Variants in ST8SIA6 observed in about 807,000 individuals in gnomAD.
The protein encoded by ST8SIA6 is alpha-2,8-sialyltransferase 8F.
In ST8SIA6, 39 loss-of-function variants were observed where a neutral mutation model predicts 33.6. The ratio of observed to expected loss-of-function variants is 1.16; its 90% CI spans 0.90 to 1.52. ST8SIA6 has a LOEUF of 1.52. ST8SIA6 is among the 40% of genes most tolerant of loss of function. The pLI is 0.00. For missense variants in ST8SIA6, 441 were observed against 443.8 expected (o/e 0.99, Z 0.06); for synonymous variants, 172 against 167.2 (o/e 1.03, Z -0.22).
At chr10:17,334,968 T>G (rs1207631180) in intron 4 of ST8SIA6, among the ~76,000 whole-genome samples, 2 of 152,230 alleles carry the variant, frequency 1.3e-5, no homozygotes, top group African/African-American at 4.8e-5. Flanking sequence ...GTCAAAGAGA[T>G]TTCTGCATTT....
chr10:17,355,062 CA>C (rs1460672993), intron 4 of ST8SIA6, among the ~76,000 whole-genome samples: 1 of 152,176 alleles, frequency 6.6e-6, no homozygotes, highest in African/African-American at 2.4e-5. Context: ...CGTAGCACAA[CA>C]AGAAAGTTAA....
chr10:17,370,990 C>G (rs10795483), intron 3 of ST8SIA6, among the ~76,000 whole-genome samples: 2 of 152,046 alleles, frequency 1.3e-5, no homozygotes, highest in Non-Finnish European at 2.9e-5. Context: ...CATAATCCAG[C>G]AGCAGGATGA....
At chr10:17,333,704 T>TATATATAG (rs1564405023) in intron 4 of ST8SIA6, among the ~76,000 whole-genome samples, 1 of 30,084 alleles carries the variant, frequency 3.3e-5, no homozygotes, top group African/African-American at 1.5e-4. Context: ...TATATATATA[T>TATATATAG]ATATATATAT....
Position 17,331,391 on chromosome 10 carries a change from C to T in ST8SIA6, c.522+17G>A, listed in dbSNP as rs1273298111. ...TGGAATGGTAACACAAATAACCCACCAGAAACCTTTACTCACCACTGGAAA... is the reference window on the plus strand; with the variant it reads ...TGGAATGGTAACACAAATAACCCACTAGAAACCTTTACTCACCACTGGAAA... On this transcript the variant is annotated intron_variant, in intron 5 of 7. Coordinates refer to ENST00000377602, the MANE Select transcript of ST8SIA6 (RefSeq NM_001004470.3). 2.5e-6 allele frequency: 4 copies of T among 1,597,578 alleles called. No individual in the cohort carries two copies. Among genetic ancestry groups the T allele is most frequent in the African/African-American group, 1.3e-5 (1 of 74,144 alleles).
intron 4 of ST8SIA6, among the ~76,000 whole-genome samples, chr10:17,346,137 C>A (rs1016553029): frequency 1.3e-5 from 2 of 152,204 alleles, no homozygotes; most frequent in Non-Finnish European, 2.9e-5. Context: ...CTGCAAGAAG[C>A]TCAAGTCACA....
Position 17,315,828 on chromosome 10 carries a change from G to GGA in ST8SIA6, c.*5048_*5049dup. 6.6e-6 allele frequency among the ~76,000 whole-genome samples: 1 copy of GGA among 151,990 alleles called. No homozygotes were observed. The highest frequency in any genetic ancestry group is 2.1e-4 in the South Asian group (1 of 4,830). On this transcript the variant is annotated 3_prime_UTR_variant, in exon 8 of 8. Transcript: ENST00000377602. ...AATGAATATATACATTGTCTTAATTGGAGAGACGGTTTCATGGGTATATGC... is the reference window on the plus strand; with the variant it reads ...AATGAATATATACATTGTCTTAATTGGAGAGAGACGGTTTCATGGGTATATGC...
intron 6 of ST8SIA6, among the ~76,000 whole-genome samples, chr10:17,326,068 A>C (rs1187556045): frequency 6.6e-6 from 1 of 152,196 alleles, no homozygotes; most frequent in Non-Finnish European, 1.5e-5. Context: ...TTTAACAGTA[A>C]TCATGAAGAA....
chr10:17,402,993 G>A (rs1851107916), intron 2 of ST8SIA6, among the ~76,000 whole-genome samples: 1 of 151,644 alleles, frequency 6.6e-6, no homozygotes. Flanking sequence ...TATCCACTGT[G>A]GCACAAAATT....
At chr10:17,353,682 A>G (rs1381741767) in intron 4 of ST8SIA6, among the ~76,000 whole-genome samples, 4 of 152,212 alleles carry the variant, frequency 2.6e-5, no homozygotes, top group Non-Finnish European at 5.9e-5. Flanking sequence ...TAACAAAGTA[A>G]TCAGGCACGA....
At chr10:17,373,419 A>G (rs1849795955) in intron 3 of ST8SIA6, among the ~76,000 whole-genome samples, 1 of 152,140 alleles carries the variant, frequency 6.6e-6, no homozygotes, top group South Asian at 2.1e-4. Flanking sequence ...CCTGCTGAAT[A>G]TGTTTGACTT....
At chr10:17,366,620 T>C (rs1447339565) in intron 3 of ST8SIA6, among the ~76,000 whole-genome samples, 1 of 152,098 alleles carries the variant, frequency 6.6e-6, no homozygotes, top group Admixed American at 6.6e-5. Flanking sequence ...TAGCAAAAGC[T>C]ATAGATTGGT....
At chr10:17,362,937 C>T (rs1486629396) in intron 3 of ST8SIA6, among the ~76,000 whole-genome samples, 1 of 152,080 alleles carries the variant, frequency 6.6e-6, no homozygotes, top group African/African-American at 2.4e-5. Flanking sequence ...ATCTCGAACT[C>T]CTGACCTTGT....
chr10:17,437,303 A>C (rs1219179004), intron 2 of ST8SIA6, among the ~76,000 whole-genome samples: 1 of 152,038 alleles, frequency 6.6e-6, no homozygotes, highest in Admixed American at 6.6e-5. Flanking sequence ...GGGACTACAC[A>C]TGTGCCATCA....
intron 4 of ST8SIA6, among the ~76,000 whole-genome samples, chr10:17,349,941 C>G (rs1588824066): frequency 6.6e-6 from 1 of 151,606 alleles, no homozygotes; most frequent in African/African-American, 2.4e-5. Flanking sequence ...AATAAACACA[C>G]ACACACACAC....
chr10:17,389,080 C>G (rs1850485041), intron 3 of ST8SIA6, among the ~76,000 whole-genome samples: 1 of 152,144 alleles, frequency 6.6e-6, no homozygotes, highest in Admixed American at 6.5e-5. Context: ...CCATCCCACC[C>G]AGGAACAGAA....
At chr10:17,333,717 A>ATATAGATATATATATATATTTTT (rs1251981910) in intron 4 of ST8SIA6, among the ~76,000 whole-genome samples, 2 of 33,754 alleles carry the variant, frequency 5.9e-5, no homozygotes, top group African/African-American at 3.5e-4. Context: ...ATATATATAT[A>ATATAGATATATATATATATTTTT]TTTTTTTTTT....
chr10:17,411,172 T>G (rs994551510), intron 2 of ST8SIA6, among the ~76,000 whole-genome samples: 6 of 149,956 alleles, frequency 4.0e-5, no homozygotes, highest in Admixed American at 1.3e-4. Context: ...CTTGAACTCT[T>G]TGTGTGTGTG....
At chr10:17,357,264 TA>T (rs1564419043) in intron 4 of ST8SIA6, among the ~76,000 whole-genome samples, 3 of 151,808 alleles carry the variant, frequency 2.0e-5, no homozygotes, top group Admixed American at 1.3e-4. Context: ...TAGTTGGGAT[TA>T]CAAGTGCATG....
intron 3 of ST8SIA6, among the ~76,000 whole-genome samples, chr10:17,374,205 G>A (rs1178517124): frequency 7.8e-6 from 1 of 127,668 alleles, no homozygotes; most frequent in African/African-American, 2.9e-5. Flanking sequence ...TAAACTGAGG[G>A]AGTTAAAAAA....
Sources: gnomAD v4.1 joint callset for allele counts (sites outside exome capture counted in the v4.1 genomes callset) on GRCh38, gnomAD v4.1.1 for gene constraint, MANE v1.5 for transcripts, NCBI Gene and HGNC (gene_info 2026-07-23, HGNC 2026-07-21) for gene names.